P2RY14: variants seen among roughly 807,000 people sequenced by gnomAD.
The protein encoded by P2RY14 is P2Y purinoceptor 14.
P2RY14 carries 2 observed loss-of-function variants against 0.9 expected under a neutral mutation model. The ratio of observed to expected loss-of-function variants is 2.16; its 90% CI spans 0.88 to 6.79. The LOEUF (loss-of-function observed/expected upper bound fraction) is 6.79, where lower values mean the gene tolerates loss of function less well. Ranked by LOEUF, P2RY14 falls within the 30% of genes most tolerant of loss-of-function variation. P2RY14 has a pLI of 0.05. For missense variants in P2RY14, 378 were observed against 400.1 expected (o/e 0.94, Z 0.47); for synonymous variants, 158 against 147.2 (o/e 1.07, Z -0.53).
intron 1 of P2RY14, among the ~76,000 whole-genome samples, chr3:151,253,757 C>T (rs1027376724): frequency 4.6e-5 from 7 of 151,998 alleles, no homozygotes; most frequent in African/African-American, 1.7e-4. Context: ...TTTTTTGCAG[C>T]CTCTCTCATC....
chr3:151,246,915 A>T (rs907544507), intron 1 of P2RY14, among the ~76,000 whole-genome samples: 21 of 152,198 alleles, frequency 1.4e-4, no homozygotes, highest in Non-Finnish European at 2.6e-4. Flanking sequence ...ACTGAAACAA[A>T]TTTACAAGAA....
At chr3:151,214,443 A>G (rs1408278542) in intron 2 of P2RY14, 103 bp from the exon 3 acceptor site, 2 of 729,062 alleles carry the variant, frequency 2.7e-6, no homozygotes, top group Admixed American at 2.8e-5. Context: ...AACCTACCAA[A>G]TTTTTGAAGC....
intron 1 of P2RY14, among the ~76,000 whole-genome samples, chr3:151,220,635 G>A (rs931531939): frequency 2.0e-5 from 3 of 152,174 alleles, no homozygotes; most frequent in Admixed American, 6.5e-5. Flanking sequence ...TTTTAAAAAC[G>A]AGAGTTGCCC....
At chr3:151,224,767 CT>C (rs1464949303) in intron 1 of P2RY14, among the ~76,000 whole-genome samples, 5 of 152,142 alleles carry the variant, frequency 3.3e-5, no homozygotes, top group Non-Finnish European at 7.4e-5. Flanking sequence ...AGCCTGTTGT[CT>C]TTTTCTCAGT....
At chr3:151,215,873 G>A (rs1728119778) in intron 2 of P2RY14, among the ~76,000 whole-genome samples, 1 of 152,170 alleles carries the variant, frequency 6.6e-6, no homozygotes, top group South Asian at 2.1e-4. Context: ...TTTAGGTTCT[G>A]TGATTTCTCT....
rs141068165 is a variant in P2RY14, at chr3:151,254,147, T to C, written c.-133+24140A>G. On this transcript the variant is annotated intron_variant, in intron 1 of 2. Coordinates refer to ENST00000309170, the MANE Select transcript of P2RY14 (RefSeq NM_014879.4). ...CCTGGTAGCCACCTCTTTTTCCTTT[T>C]ATCTATTTTTAGGTATTAGTGCCTG... Among the ~76,000 whole-genome samples, 777 of 152,272 alleles carry C rather than the reference T, an allele frequency of 5.1e-3. 11 individuals are homozygous for C. Among genetic ancestry groups the C allele is most frequent in the African/African-American group, 0.017 (725 of 41,554 alleles).
At position 151,219,895 on chromosome 3, in the gene P2RY14, C is replaced by G. The variant is rs906860534; in HGVS notation, c.-132-253G>C. 5.0e-5 allele frequency among the ~76,000 whole-genome samples: 6 copies of G among 118,918 alleles called. No individual in the cohort carries two copies. The South Asian group carries it at 1.3e-3, about 26-fold the overall frequency. 78.0% of individuals were successfully genotyped at this position (118,918 alleles called of 152,430 possible). On this transcript the variant is annotated intron_variant, in intron 1 of 2. Transcript: ENST00000309170. Reference sequence around the variant, plus strand: ...TTTTGGTTATTGGTTTATATTACCCCCCCCCCCCCCTTGGATATGGATGAT... The same window carrying G: ...TTTTGGTTATTGGTTTATATTACCCGCCCCCCCCCCTTGGATATGGATGAT...
At chr3:151,247,888 C>CTTATAATGTATTCAGA (rs1428120931) in intron 1 of P2RY14, among the ~76,000 whole-genome samples, 5 of 145,928 alleles carry the variant, frequency 3.4e-5, no homozygotes, top group Middle Eastern at 3.4e-3. Flanking sequence ...TTGCAGTGTT[C>CTTATAATGTATTCAGA]TTATAATGTA....
At chr3:151,273,842 C>T (rs1741417882) in intron 1 of P2RY14, among the ~76,000 whole-genome samples, 1 of 152,154 alleles carries the variant, frequency 6.6e-6, no homozygotes, top group African/African-American at 2.4e-5. Flanking sequence ...CTTGGTGATG[C>T]AGACTGTTGT....
chr3:151,241,054 C>A (rs567937318), intron 1 of P2RY14, among the ~76,000 whole-genome samples: 1 of 152,082 alleles, frequency 6.6e-6, no homozygotes, highest in African/African-American at 2.4e-5. Flanking sequence ...GCTTTAAAAA[C>A]GGGGGACTAT....
At chr3:151,230,059 T>G (rs1731336521) in intron 1 of P2RY14, among the ~76,000 whole-genome samples, 2 of 152,164 alleles carry the variant, frequency 1.3e-5, no homozygotes, top group African/African-American at 4.8e-5. Context: ...AAGCTTCGCC[T>G]GCTGGGTTCA....
chr3:151,224,468 T>C (rs188028000), intron 1 of P2RY14, among the ~76,000 whole-genome samples: 2 of 152,220 alleles, frequency 1.3e-5, no homozygotes, highest in African/African-American at 2.4e-5. Flanking sequence ...TTGGTGTCAA[T>C]GTGATCGCCT....
Position 151,213,643 on chromosome 3 carries a change from G to A in P2RY14, c.674C>T (p.Thr225Ile). 6.2e-7 allele frequency: 1 copy of A among 1,614,140 alleles called. No homozygotes were observed. The highest frequency in any genetic ancestry group is 1.1e-5 in the South Asian group (1 of 91,090). The part of the protein sequence containing the change: ...KSHLKSSRNS[T>I]SVKKKSSRNI... The stretch of plus-strand genomic sequence containing the variant: ...GCGGCTAGATTTCTTTTTGACCGAA[G>A]TGGAATTCCGACTTGACTTAAGGTG... The change falls in exon 3 of 3, where the codon ACT (threonine) becomes ATT (isoleucine). Residue 225 changes from threonine (T) to isoleucine (I), a missense_variant. Coordinates refer to ENST00000309170, the MANE Select transcript of P2RY14 (RefSeq NM_014879.4).
chr3:151,262,929 G>A (rs189480609), intron 1 of P2RY14, among the ~76,000 whole-genome samples: 5 of 152,270 alleles, frequency 3.3e-5, no homozygotes, highest in African/African-American at 4.8e-5. Flanking sequence ...CTGAAGACAC[G>A]TAGCTGGTAA....
chr3:151,271,749 G>T (rs1740989233), intron 1 of P2RY14, among the ~76,000 whole-genome samples: 1 of 152,148 alleles, frequency 6.6e-6, no homozygotes, highest in African/African-American at 2.4e-5. Context: ...AAAACATGTT[G>T]AGCAAAACAA....
intron 1 of P2RY14, among the ~76,000 whole-genome samples, chr3:151,239,934 A>G (rs1482724090): frequency 1.3e-5 from 2 of 152,212 alleles, no homozygotes; most frequent in Non-Finnish European, 2.9e-5. Context: ...ACTTGTACAG[A>G]ACACATATCT....
At chr3:151,264,491 T>C (rs75358588) in intron 1 of P2RY14, among the ~76,000 whole-genome samples, 4,226 of 152,320 alleles carry the variant, frequency 0.028, 90 homozygotes, top group Non-Finnish European at 0.045. Context: ...TATTAGTTGG[T>C]TTATGATTGT....
At chr3:151,269,851 C>T (rs987908886) in intron 1 of P2RY14, 9 of 450,482 alleles carry the variant, frequency 2.0e-5, no homozygotes, top group African/African-American at 1.2e-4. Context: ...GTAAAGTCAG[C>T]AGGAAGAGGC....
intron 1 of P2RY14, 23 bp from the exon 2 acceptor site, chr3:151,219,665 C>G (rs771319338): frequency 1.3e-5 from 2 of 152,240 alleles, no homozygotes; most frequent in African/African-American, 4.8e-5. Context: ...AAACAAAAAA[C>G]CAAAGATTTA....
Sources: allele counts gnomAD v4.1 joint callset (sites outside exome capture counted in the v4.1 genomes callset), GRCh38; gene constraint gnomAD v4.1.1; transcripts MANE v1.5; gene names NCBI Gene and HGNC (gene_info 2026-07-23, HGNC 2026-07-21).